WWC1: variants seen among roughly 807,000 people sequenced by gnomAD.
The protein encoded by WWC1 is protein KIBRA.
In WWC1, 55 loss-of-function variants were observed where a neutral mutation model predicts 138.4. That is an observed-to-expected ratio of 0.40 (90% CI 0.32 to 0.50). The LOEUF (loss-of-function observed/expected upper bound fraction) is 0.50, where lower values mean the gene tolerates loss of function less well. Among genes scored for constraint, WWC1 ranks in the 20% least tolerant of loss-of-function variants. The probability of loss-of-function intolerance (pLI) is 0.72; values close to 1 mark genes in which losing one functional copy is unlikely to be tolerated. For synonymous variants in WWC1, 524 were observed against 564.9 expected, an observed-to-expected ratio of 0.93 and a Z score of 1.03; for missense variants, 1,226 against 1,420.4, an observed-to-expected ratio of 0.86 and a Z score of 2.20.
intron 13 of WWC1, among the ~76,000 whole-genome samples, chr5:168,429,066 AGGACTGGGACTGAGACCTCCT>A (rs1446321727): frequency 6.6e-6 from 1 of 152,146 alleles, no homozygotes. Context: ...TAGCAGAGCC[AGGACTGGGACTGAGACCTCCT>A]GCCTCTCAGT....
intron 7 of WWC1, 102 bp from the exon 8 acceptor site, chr5:168,409,820 T>C: frequency 2.5e-6 from 3 of 1,221,052 alleles, no homozygotes; most frequent in Non-Finnish European, 3.6e-6. Flanking sequence ...TATTCTTGGC[T>C]ACTGCCCACG....
chr5:168,414,749 G>A, intron 9 of WWC1, 159 bp downstream of exon 9: 4 of 1,135,322 alleles, frequency 3.5e-6, no homozygotes, highest in Non-Finnish European at 4.8e-6. Context: ...AGGAAATCAG[G>A]AAAGATGGTT....
intron 21 of WWC1, among the ~76,000 whole-genome samples, chr5:168,466,373 C>G (rs1757296314): frequency 6.6e-6 from 1 of 152,184 alleles, no homozygotes; most frequent in African/African-American, 2.4e-5. Flanking sequence ...ACCTGCCACT[C>G]TGTGATCGCC....
At chr5:168,343,998 G>C (rs1383832561) in intron 1 of WWC1, among the ~76,000 whole-genome samples, 1 of 152,006 alleles carries the variant, frequency 6.6e-6, no homozygotes, top group Non-Finnish European at 1.5e-5. Context: ...GGAGAACACT[G>C]CTGCATCTGA....
At chr5:168,403,280 G>A (rs1485455414) in intron 5 of WWC1, among the ~76,000 whole-genome samples, 2 of 151,906 alleles carry the variant, frequency 1.3e-5, no homozygotes, top group African/African-American at 4.8e-5. Context: ...TGTATTTTTA[G>A]TAGAGATGGG....
At position 168,470,660 on chromosome 5, in the gene WWC1, C is replaced by A. The variant is rs1040092554; in HGVS notation, c.*1643C>A. On this transcript the variant is annotated 3_prime_UTR_variant, in exon 23 of 23. Transcript: ENST00000265293. ...GACCAGCCTGATCAACATGGAGAAA[C>A]CTGGTCTCTACTAAAAATACATAAT... The A allele has an allele frequency of 1.5e-4, 23 of 152,076 alleles. No individual in the cohort carries two copies. Among genetic ancestry groups the A allele is most frequent in the African/African-American group, 4.6e-4 (19 of 41,486 alleles). The allele number at this position is 152,076 out of a possible 1,614,324, so 9.4% of individuals were successfully genotyped here. A position where few individuals can be genotyped will look rare whatever the true frequency, so the allele number is the denominator to read the frequency against.
chr5:168,302,785 A>G (rs1210430359), intron 1 of WWC1, among the ~76,000 whole-genome samples: 1 of 152,126 alleles, frequency 6.6e-6, no homozygotes, highest in East Asian at 1.9e-4. Flanking sequence ...TATTTGTTGG[A>G]TAGTGTACCT....
chr5:168,439,521 A>T (rs545227675), intron 15 of WWC1, among the ~76,000 whole-genome samples: 7 of 151,732 alleles, frequency 4.6e-5, no homozygotes, highest in African/African-American at 1.7e-4. Context: ...CAGCTACTCC[A>T]GAGGCTGAGG....
chr5:168,448,616 A>ATTTTTTTTT (rs756135846), intron 17 of WWC1, among the ~76,000 whole-genome samples: 10 of 117,602 alleles, frequency 8.5e-5, no homozygotes, highest in African/African-American at 2.8e-4. Context: ...CTCAAATAAG[A>ATTTTTTTTT]TTTTTTTTTT....
At chr5:168,438,314 AC>A (rs796592609) in intron 15 of WWC1, among the ~76,000 whole-genome samples, 3 of 152,062 alleles carry the variant, frequency 2.0e-5, no homozygotes, top group African/African-American at 7.2e-5. Context: ...GGGGGCTGTT[AC>A]CCCCATGCTG....
chr5:168,390,252 C>T (rs562752464), intron 3 of WWC1, among the ~76,000 whole-genome samples: 26 of 152,234 alleles, frequency 1.7e-4, no homozygotes, highest in Middle Eastern at 3.4e-3. Flanking sequence ...TTTTCATATT[C>T]TTAAGCTCTC....
chr5:168,443,332 GTCA>G lies in WWC1; in HGVS notation c.2434-1145_2434-1143del, dbSNP rs141012729. The stretch of plus-strand genomic sequence containing the variant: ...TCCCATCCCCACCTTCTTTTTCATC[GTCA>G]TCATCATCATCATCATTTTCTGTAC... On this transcript the variant is annotated intron_variant, in intron 16 of 22. Transcript: ENST00000265293. 5.3e-3 allele frequency among the ~76,000 whole-genome samples: 798 copies of G among 151,026 alleles called. 5 individuals carry two copies. The highest frequency in any genetic ancestry group is 0.019 in the African/African-American group (764 of 41,024).
At chr5:168,449,878 G>T (rs180743665) in intron 17 of WWC1, among the ~76,000 whole-genome samples, 1 of 152,270 alleles carries the variant, frequency 6.6e-6, no homozygotes, top group East Asian at 1.9e-4. Context: ...CCCGCCAACA[G>T]CTCTTTTATT....
chr5:168,382,388 A>T (rs1197887703), intron 2 of WWC1, among the ~76,000 whole-genome samples: 2 of 152,232 alleles, frequency 1.3e-5, no homozygotes, highest in African/African-American at 4.8e-5. Context: ...GGAGAGATGG[A>T]AACTCTCTTA....
At chr5:168,305,474 G>A (rs997010402) in intron 1 of WWC1, among the ~76,000 whole-genome samples, 5 of 152,150 alleles carry the variant, frequency 3.3e-5, no homozygotes, top group African/African-American at 7.2e-5. Context: ...AATTTCCTGC[G>A]TCTTTTCTAT....
intron 1 of WWC1, among the ~76,000 whole-genome samples, chr5:168,358,931 C>A (rs926847325): frequency 3.9e-5 from 6 of 152,082 alleles, no homozygotes; most frequent in Admixed American, 3.3e-4. Flanking sequence ...CCCAGGCAAC[C>A]ACTGACCTGC....
intron 11 of WWC1, 126 bp from the exon 12 acceptor site, chr5:168,427,907 G>A: frequency 1.5e-6 from 1 of 687,544 alleles, no homozygotes; most frequent in South Asian, 1.7e-5. Context: ...GCTGCAGTGA[G>A]CCATGATTGT....
chr5:168,437,053 C>T (rs1782404284), intron 15 of WWC1, among the ~76,000 whole-genome samples: 1 of 146,076 alleles, frequency 6.8e-6, no homozygotes, highest in African/African-American at 2.5e-5. Flanking sequence ...CAAAACTCTT[C>T]CTCCAGCCTC....
rs1336246987 is a variant in WWC1, at chr5:168,469,882, C to A, written c.*865C>A. 1 of 151,990 alleles carries A rather than the reference C, an allele frequency of 6.6e-6. No individual in the cohort carries two copies. The highest frequency in any genetic ancestry group is 1.5e-5 in the Non-Finnish European group (1 of 67,988). The allele number at this position is 151,990 out of a possible 1,614,324, so 9.4% of individuals were successfully genotyped here. On this transcript the variant is annotated 3_prime_UTR_variant, in exon 23 of 23. Transcript: ENST00000265293. ...GCAGTCCTGGAAACATTTATTTTTT[C>A]TTTTGCCCACTGTTTTCATTTGCTC...
Sources: gnomAD v4.1 joint callset for allele counts (sites outside exome capture counted in the v4.1 genomes callset) on GRCh38, gnomAD v4.1.1 for gene constraint, MANE v1.5 for transcripts, NCBI Gene and HGNC (gene_info 2026-07-23, HGNC 2026-07-21) for gene names.